PLEKHA7: variants seen among roughly 807,000 people sequenced by gnomAD.
The protein encoded by PLEKHA7 is pleckstrin homology domain-containing family A member 7.
PLEKHA7 carries 104 observed loss-of-function variants against 170.0 expected under a neutral mutation model. That is an observed-to-expected ratio of 0.61 (90% CI 0.52 to 0.72). The LOEUF (loss-of-function observed/expected upper bound fraction) is 0.72. Ranked by LOEUF, PLEKHA7 falls within the 30% of genes least tolerant of loss-of-function variation. The pLI is 0.00. For synonymous variants in PLEKHA7, 648 were observed against 660.8 expected (o/e 0.98, Z 0.30); for missense variants, 1,615 against 1,671.7 (o/e 0.97, Z 0.59).
At chr11:16,967,367 G>A (rs1862435880) in intron 3 of PLEKHA7, among the ~76,000 whole-genome samples, 1 of 152,176 alleles carries the variant, frequency 6.6e-6, no homozygotes, top group Non-Finnish European at 1.5e-5. Flanking sequence ...GTCAACACAG[G>A]ATTTCCCCAA....
chr11:16,939,413 T>C (rs968093966), intron 3 of PLEKHA7, among the ~76,000 whole-genome samples: 1 of 151,544 alleles, frequency 6.6e-6, no homozygotes, highest in African/African-American at 2.4e-5. Flanking sequence ...GGCTCTGTTA[T>C]CTAAAGAAAA....
chr11:16,918,145 G>C (rs946155372), intron 3 of PLEKHA7, among the ~76,000 whole-genome samples: 2 of 152,094 alleles, frequency 1.3e-5, no homozygotes, highest in Non-Finnish European at 2.9e-5. Flanking sequence ...CATCTTCCTG[G>C]GGCTCACAAT....
intron 3 of PLEKHA7, among the ~76,000 whole-genome samples, chr11:17,007,574 C>CT (rs57078018): frequency 0.059 from 6,844 of 116,154 alleles, 544 homozygotes; most frequent in African/African-American, 0.17. Context: ...TCTAAAGATG[C>CT]TTTTTTTTTT....
chr11:16,964,303 C>T (rs548246407), intron 3 of PLEKHA7, among the ~76,000 whole-genome samples: 1 of 152,190 alleles, frequency 6.6e-6, no homozygotes, highest in African/African-American at 2.4e-5. Context: ...TGTTTGAGCT[C>T]CTGCTTTCAA....
rs1427080344 is a variant in PLEKHA7, at chr11:16,817,533, C to G, written c.1344-211G>C. On this transcript the variant is annotated intron_variant, in intron 10 of 26. Coordinates refer to ENST00000531066, the MANE Select transcript of PLEKHA7 (RefSeq NM_001329630.2). The surrounding 1 kb of genome is among the most constrained non-coding windows in gnomAD (Gnocchi z 4.4). ...ATTTTTCTCTGTCAACTTCCTCTGC[C>G]AGGACAACTTGGCTACCCCATGCCC... 1.8e-5 allele frequency: 9 copies of G among 504,624 alleles called. No individual in the cohort carries two copies. The highest frequency in any genetic ancestry group is 6.1e-5 in the East Asian group (2 of 32,992). The allele number at this position is 504,624 out of a possible 1,614,324, so 31.3% of individuals were successfully genotyped here.
At chr11:16,867,928 T>C (rs1854520625) in intron 4 of PLEKHA7, among the ~76,000 whole-genome samples, 1 of 152,212 alleles carries the variant, frequency 6.6e-6, no homozygotes, top group African/African-American at 2.4e-5. Context: ...ATCCCTATCA[T>C]AGTCAATCAA....
chr11:16,779,972 A>C (rs894166590), intron 26 of PLEKHA7, among the ~76,000 whole-genome samples: 4 of 55,608 alleles, frequency 7.2e-5, no homozygotes, highest in Non-Finnish European at 1.5e-4. Context: ...TTCATCTCTA[A>C]AACGGGGAGG....
intron 4 of PLEKHA7, among the ~76,000 whole-genome samples, chr11:16,859,347 C>T (rs534106854): frequency 6.6e-6 from 1 of 152,264 alleles, no homozygotes; most frequent in African/African-American, 2.4e-5. Flanking sequence ...TTGGAAATAA[C>T]TACAAGTTAT....
chr11:16,935,111 A>G (rs766059673), intron 3 of PLEKHA7, among the ~76,000 whole-genome samples: 2 of 152,250 alleles, frequency 1.3e-5, no homozygotes, highest in Admixed American at 6.5e-5. Context: ...GGAAATTGGG[A>G]AAAAGAACCT....
In PLEKHA7 at chr11:16,905,989, C is replaced by A. The variant is rs1054335961; in HGVS notation, c.222-34807G>T. Among the ~76,000 whole-genome samples the A allele has an allele frequency of 2.0e-5, 3 of 152,100 alleles. No individual in the cohort carries two copies. In the South Asian group the frequency reaches 6.2e-4, roughly 32 times the overall value. ...CCCTCTAGGGCCCTGGAGTGAGGGA[C>A]AGCTCTTCTCATTCAGGCTCTCGGC... On this transcript the variant is annotated intron_variant, in intron 3 of 26. Coordinates refer to ENST00000531066, the MANE Select transcript of PLEKHA7 (RefSeq NM_001329630.2).
Position 17,014,355 on chromosome 11 carries a change from G to A in PLEKHA7, c.47C>T (p.Ser16Phe). Residue 16 changes from serine to phenylalanine, a missense_variant, in exon 1 of 27, where the codon TCC becomes TTC. Physicochemically the swap from Ser to Phe is radical, Grantham distance 155. Coordinates refer to ENST00000531066, the MANE Select transcript of PLEKHA7 (RefSeq NM_001329630.2). ...VGRDTLPEHW[S>F]YGVCRDGRVF... ...GCGGCCATCCCGGCACACCCCGTAG[G>A]ACCAATGCTCAGGTAAAGTGTCCCG... The A allele has an allele frequency of 1.4e-6, 2 of 1,433,576 alleles. No individual in the cohort carries two copies. Among genetic ancestry groups the A allele is most frequent in the South Asian group, 1.4e-5 (1 of 70,130 alleles). The allele number at this position is 1,433,576 out of a possible 1,614,324, so 88.8% of individuals were successfully genotyped here.
At chr11:16,996,580 G>C (rs1864351863) in intron 3 of PLEKHA7, among the ~76,000 whole-genome samples, 1 of 152,218 alleles carries the variant, frequency 6.6e-6, no homozygotes, top group Non-Finnish European at 1.5e-5. Context: ...GAAGTCAACA[G>C]CTTACGGTCC....
chr11:16,794,688 G>A lies in PLEKHA7; in HGVS notation c.2545C>T (p.His849Tyr), dbSNP rs2134275675. Residue 849 changes from histidine to tyrosine, a missense_variant, in exon 19 of 27, where the codon CAC becomes TAC. Transcript: ENST00000531066. ...PERKTVPLFP[H>Y]PPVPSLSTSE... ...GTTGAGAGTGAAGGCACAGGCGGGT[G>A]AGGAAACAAAGGCACCGTTTTTCTC... The A allele has an allele frequency of 1.2e-6, 2 of 1,614,040 alleles. No individual in the cohort carries two copies. The highest frequency in any genetic ancestry group is 4.5e-5 in the East Asian group (2 of 44,854).
chr11:16,985,913 A>G (rs1440173539), intron 3 of PLEKHA7, among the ~76,000 whole-genome samples: 1 of 152,266 alleles, frequency 6.6e-6, no homozygotes, highest in East Asian at 1.9e-4. Flanking sequence ...GAATGAAAGC[A>G]CTGCTAACTA....
intron 19 of PLEKHA7, among the ~76,000 whole-genome samples, chr11:16,794,252 C>T (rs959783872): frequency 1.3e-5 from 2 of 152,004 alleles, no homozygotes; most frequent in East Asian, 3.9e-4. Context: ...TCAGTTTTCC[C>T]AACTGCAAAA....
Position 16,789,418 on chromosome 11 carries a change from G to A in PLEKHA7, c.3157-122C>T. On this transcript the variant is annotated intron_variant, in intron 22 of 26. Transcript: ENST00000531066. The surrounding 1 kb of genome is among the most constrained non-coding windows in gnomAD (Gnocchi z 4.6). ...TCACACACATGCACACTCTAGTTGG[G>A]CTCCTCTTGGCCTTAGAGAACTATT... 1 of 905,520 alleles carries A rather than the reference G, an allele frequency of 1.1e-6. No homozygotes were observed. The highest frequency in any genetic ancestry group is 1.7e-6 in the Non-Finnish European group (1 of 584,778). 56.1% of individuals were successfully genotyped at this position (905,520 alleles called of 1,614,324 possible).
chr11:16,798,862 AC>A (rs200651060), intron 17 of PLEKHA7, among the ~76,000 whole-genome samples: 1,549 of 152,382 alleles, frequency 0.01, 22 homozygotes, highest in African/African-American at 0.035. Context: ...TCCTTATCAC[AC>A]CACCATTTAT....
chr11:17,010,729 A>G (rs4757491), intron 3 of PLEKHA7, among the ~76,000 whole-genome samples: 96,540 of 152,138 alleles, frequency 0.63, 31,279 homozygotes, highest in East Asian at 0.96. Context: ...AAAATCAGCC[A>G]TGTCAATGCT....
chr11:17,008,173 G>T (rs1381740161), intron 3 of PLEKHA7, among the ~76,000 whole-genome samples: 3 of 152,140 alleles, frequency 2.0e-5, no homozygotes, highest in African/African-American at 7.2e-5. Context: ...TACCTACACA[G>T]GGTGGCTCCA....
Sources: gnomAD v4.1 joint callset for allele counts (sites outside exome capture counted in the v4.1 genomes callset) on GRCh38, gnomAD v4.1.1 for gene constraint, Gnocchi (gnomAD v3.1) non-coding constraint, MANE v1.5 for transcripts, NCBI Gene and HGNC (gene_info 2026-07-23, HGNC 2026-07-21) for gene names.